Variants in TEAD3 observed in about 807,000 individuals in gnomAD.
TEAD3 encodes the protein transcriptional enhancer factor TEF-5.
In TEAD3, 15 loss-of-function variants were observed where a neutral mutation model predicts 55.6. The ratio of observed to expected loss-of-function variants is 0.27; its 90% CI spans 0.18 to 0.42. The LOEUF is 0.42. Ranked by LOEUF, TEAD3 falls within the 10% of genes least tolerant of loss-of-function variation. The pLI is 1.00. For synonymous variants in TEAD3, 210 were observed against 232.2 expected, an observed-to-expected ratio of 0.90 and a Z score of 0.87; for missense variants, 407 against 576.8, an observed-to-expected ratio of 0.71 and a Z score of 3.01.
In TEAD3 at chr6:35,475,785, A is replaced by G; in HGVS notation, c.901-79T>C. On this transcript the variant is annotated intron_variant, in intron 10 of 12. Coordinates refer to ENST00000639578, the Ensembl canonical transcript of TEAD3. The surrounding 1 kb of genome is among the most constrained non-coding windows in gnomAD (Gnocchi z 5.4). ...GCCACACCACATCAGAGTCCTGCCC[A>G]AGGATCCATCTCTGGCACTCTGCCC... 2 of 1,517,438 alleles carry G rather than the reference A, an allele frequency of 1.3e-6. No individual in the cohort carries two copies. Among genetic ancestry groups the G allele is most frequent in the South Asian group, 1.3e-5 (1 of 76,250 alleles). The allele number at this position is 1,517,438 out of a possible 1,614,324, so 94.0% of individuals were successfully genotyped here.
intron 5 of TEAD3, 24 bp downstream of exon 5, chr6:35,479,281 A>C (rs775908584): frequency 6.2e-7 from 1 of 1,613,390 alleles, no homozygotes; most frequent in South Asian, 1.1e-5. Context: ...CCCCACTCCC[A>C]CTGGGGAGGG....
chr6:35,486,576 G>T lies in TEAD3; in HGVS notation c.87C>A (p.Asn29Lys), dbSNP rs1024893411. The T allele has an allele frequency of 1.2e-6, 2 of 1,613,574 alleles. No homozygotes were observed. Among genetic ancestry groups the T allele is most frequent in the Non-Finnish European group, 1.7e-6 (2 of 1,179,794 alleles). ...CCGGGCTCCACACGCCCTCCGCATC[G>T]TTGTCCAGCCCCTTGTCCAGGCCCT... is the stretch of plus-strand genomic sequence containing the variant. The change falls in exon 2 of 13, where the codon AAC becomes AAA. Residue 29 changes from asparagine (N) to lysine (K), a missense_variant. Transcript: ENST00000639578. The surrounding 1 kb of genome is among the most constrained non-coding windows in gnomAD (Gnocchi z 7.3).
chr6:35,486,681 C>A lies in TEAD3; in HGVS notation c.-19G>T, dbSNP rs1213857563. Reference sequence around the variant, plus strand: ...ACGCTATTGTGCTGGTTGCTCTGGGCTCTGGGCCTGAGCCCACTGGGCGGC... The same window carrying A: ...ACGCTATTGTGCTGGTTGCTCTGGGATCTGGGCCTGAGCCCACTGGGCGGC... On this transcript the variant is annotated 5_prime_UTR_variant, in exon 2 of 13. Transcript: ENST00000639578. The surrounding 1 kb of genome is among the most constrained non-coding windows in gnomAD (Gnocchi z 7.3). 2 of 1,609,134 alleles carry A rather than the reference C, an allele frequency of 1.2e-6. No homozygotes were observed. The highest frequency in any genetic ancestry group is 3.3e-5 in the Admixed American group (2 of 59,972).
exon 9 of TEAD3, chr6:35,476,373 T>A (rs1243555448): frequency 6.2e-7 from 1 of 1,612,700 alleles, no homozygotes; most frequent in African/African-American, 1.3e-5. Context: ...GAGGCAATGG[T>A]ACGGTCCTGC....
At chr6:35,481,487 T>G (rs1024576848) in intron 3 of TEAD3, among the ~76,000 whole-genome samples, 9 of 152,208 alleles carry the variant, frequency 5.9e-5, no homozygotes, top group African/African-American at 2.2e-4. Flanking sequence ...TGGGTGCTCC[T>G]CACACTGCCT....
chr6:35,479,272 C>T (rs1768217807), intron 5 of TEAD3, 33 bp downstream of exon 5: 5 of 1,612,870 alleles, frequency 3.1e-6, no homozygotes, highest in Middle Eastern at 1.7e-4. Context: ...GACCCTTTCC[C>T]CCACTCCCAC....
chr6:35,477,256 T>C, intron 8 of TEAD3, 55 bp downstream of exon 8: 1 of 1,587,202 alleles, frequency 6.3e-7, no homozygotes, highest in Non-Finnish European at 8.6e-7. Flanking sequence ...GGACCCCAGC[T>C]CTCCTGAGTG....
At chr6:35,477,978 G>A (rs901152058) in intron 7 of TEAD3, among the ~76,000 whole-genome samples, 3 of 151,024 alleles carry the variant, frequency 2.0e-5, no homozygotes, top group Admixed American at 1.3e-4. Context: ...GGCCTCCCAC[G>A]TAGCTAGGAC....
At chr6:35,489,778 G>A (rs1479556191) in intron 1 of TEAD3, among the ~76,000 whole-genome samples, 1 of 152,126 alleles carries the variant, frequency 6.6e-6, no homozygotes, top group Non-Finnish European at 1.5e-5. Flanking sequence ...GGGGGGTGGT[G>A]GCTCACGACT....
downstream of TEAD3, chr6:35,474,862 A>G (rs1227049026): frequency 1.7e-6 from 1 of 579,816 alleles, no homozygotes; most frequent in Non-Finnish European, 3.0e-6. Flanking sequence ...CTTCTCCCAC[A>G]ATTAAAGCGC....
Position 35,484,313 on chromosome 6 carries a change from G to A in TEAD3, c.267+247C>T, listed in dbSNP as rs965969170. On this transcript the variant is annotated intron_variant, in intron 3 of 12. Coordinates refer to ENST00000639578, the Ensembl canonical transcript of TEAD3. This position sits in a 1 kb window ranked among gnomAD's most constrained non-coding sequence, Gnocchi z 5.8. ...GTCCCTGAACCACAGGCCCTGGGCA[G>A]GGTAGTAGGTGGTCAGAGAGGACAG... is the stretch of plus-strand genomic sequence containing the variant. Among the ~76,000 whole-genome samples, 3 of 152,206 alleles carry A rather than the reference G, an allele frequency of 2.0e-5. No homozygotes were observed. Among genetic ancestry groups the A allele is most frequent in the Non-Finnish European group, 2.9e-5 (2 of 68,036 alleles).
intron 5 of TEAD3, 46 bp downstream of exon 5, chr6:35,479,259 T>TA (rs1404439491): frequency 6.2e-7 from 1 of 1,609,100 alleles, no homozygotes; most frequent in South Asian, 1.1e-5. Context: ...TATTAGGTGT[T>TA]AAGACCCTTT....
chr6:35,480,047 A>C, intron 4 of TEAD3: 3 of 1,488,760 alleles, frequency 2.0e-6, no homozygotes, highest in East Asian at 2.8e-5. Context: ...GCCAGGTGGC[A>C]GGGGCCCCGT....
chr6:35,485,965 A>C lies in TEAD3; in HGVS notation c.202+496T>G, dbSNP rs1187857391. Among the ~76,000 whole-genome samples the C allele has an allele frequency of 6.6e-6, 1 of 152,128 alleles. No homozygotes were observed. The highest frequency in any genetic ancestry group is 1.5e-5 in the Non-Finnish European group (1 of 67,982). On this transcript the variant is annotated intron_variant, in intron 2 of 12. Coordinates refer to ENST00000639578, the Ensembl canonical transcript of TEAD3. The surrounding 1 kb of genome is among the most constrained non-coding windows in gnomAD (Gnocchi z 4.3). ...AAGATGGCAAAGAGGAGGGCCAACA[A>C]ACCCAAGGAGTGGGGAAGGGGACTG...
In TEAD3 at chr6:35,478,587, T is replaced by C. The variant is rs1768202807; in HGVS notation, c.343-16A>G. 1.3e-6 allele frequency: 2 copies of C among 1,573,650 alleles called. No homozygotes were observed. Among genetic ancestry groups the C allele is most frequent in the Non-Finnish European group, 1.7e-6 (2 of 1,159,948 alleles). ...AGACCTGGTCCTGGGGAGAGGAGGC[T>C]GCATGAAGCCAGGGCCACGCTGGAT... On this transcript the variant is annotated splice_polypyrimidine_tract_variant and intron_variant, in intron 5 of 12. Transcript: ENST00000639578.
Position 35,475,674 on chromosome 6 carries a change from C to A in TEAD3, c.933G>T (p.Pro311=). The A allele has an allele frequency of 2.5e-6, 4 of 1,611,668 alleles. No individual in the cohort carries two copies. Among genetic ancestry groups the A allele is most frequent in the Non-Finnish European group, 3.4e-6 (4 of 1,178,466 alleles). The change falls in exon 11 of 13, where the codon CCG becomes CCT. Residue 311 remains proline (P), a synonymous_variant. Transcript: ENST00000639578. This position sits in a 1 kb window ranked among gnomAD's most constrained non-coding sequence, Gnocchi z 5.4. ...GAGAGCTGACCCCATAGAAGGCTCC[C>A]GGGCCCTCCTGGATGGTGCTGTTGA...
intron 1 of TEAD3, among the ~76,000 whole-genome samples, chr6:35,493,099 C>A (rs1216875298): frequency 6.6e-6 from 1 of 152,196 alleles, no homozygotes; most frequent in African/African-American, 2.4e-5. Context: ...CTGCGCCCTT[C>A]CTCTCGCTCG....
At chr6:35,478,390 TACAGC>T in intron 6 of TEAD3, 39 bp downstream of exon 6, 1 of 1,613,636 alleles carries the variant, frequency 6.2e-7, no homozygotes, top group Non-Finnish European at 8.5e-7. Flanking sequence ...GCTCATCCTT[TACAGC>T]ACACCCCCAC....
rs900537430 is a variant in TEAD3, at chr6:35,488,887, A to G, written c.-49-2176T>C. Reference sequence around the variant, plus strand: ...CCTCAGCATGGTGGCACGCACCTGTAGCTGGGATTACAGGCGCATGCCACC... The same window carrying G: ...CCTCAGCATGGTGGCACGCACCTGTGGCTGGGATTACAGGCGCATGCCACC... On this transcript the variant is annotated intron_variant, in intron 1 of 12. Coordinates refer to ENST00000639578, the Ensembl canonical transcript of TEAD3. The surrounding 1 kb of genome is among the most constrained non-coding windows in gnomAD (Gnocchi z 4.2). 6.6e-6 allele frequency among the ~76,000 whole-genome samples: 1 copy of G among 152,010 alleles called. No individual in the cohort carries two copies. Among genetic ancestry groups the G allele is most frequent in the African/African-American group, 2.4e-5 (1 of 41,378 alleles).
Sources: gnomAD v4.1 joint callset for allele counts (sites outside exome capture counted in the v4.1 genomes callset) on GRCh38, gnomAD v4.1.1 for gene constraint, Gnocchi (gnomAD v3.1) non-coding constraint, MANE v1.5 for transcripts, NCBI Gene and HGNC (gene_info 2026-07-23, HGNC 2026-07-21) for gene names.